PDE1A: variants seen among roughly 807,000 people sequenced by gnomAD.
PDE1A encodes dual specificity calcium/calmodulin-dependent 3',5'-cyclic nucleotide phosphodiesterase 1A.
In PDE1A, 35 loss-of-function variants were observed where a neutral mutation model predicts 61.7. That is an observed-to-expected ratio of 0.57 (90% confidence interval 0.43 to 0.75). The LOEUF (loss-of-function observed/expected upper bound fraction) is 0.75, where lower values mean the gene tolerates loss of function less well. Ranked by LOEUF, PDE1A falls within the 30% of genes least tolerant of loss-of-function variation. PDE1A has a pLI of 0.00. For synonymous variants in PDE1A, 232 were observed against 213.2 expected (o/e 1.09, Z -0.77); for missense variants, 597 against 630.6 (o/e 0.95, Z 0.57).
intron 7 of PDE1A, among the ~76,000 whole-genome samples, chr2:182,211,063 C>T (rs757199631): frequency 2.0e-5 from 3 of 152,034 alleles, no homozygotes; most frequent in Non-Finnish European, 1.5e-5. Flanking sequence ...TCTGGCAAGC[C>T]CCATTTTATA....
chr2:182,181,578 G>A (rs1265401788), intron 13 of PDE1A, among the ~76,000 whole-genome samples: 1 of 152,304 alleles, frequency 6.6e-6, no homozygotes, highest in South Asian at 2.1e-4. Flanking sequence ...AGCAGAACTG[G>A]TGCACTCTGC....
At chr2:182,580,649 T>C in the PDE1A span, among the ~76,000 whole-genome samples, 1 of 152,164 alleles carries the variant, frequency 6.6e-6, no homozygotes, top group Non-Finnish European at 1.5e-5. Flanking sequence ...GAAGACTGGC[T>C]TTCAGTCAAT....
At chr2:182,273,756 G>C (rs1345351378) in intron 1 of PDE1A, among the ~76,000 whole-genome samples, 1 of 152,030 alleles carries the variant, frequency 6.6e-6, no homozygotes, top group African/African-American at 2.4e-5. Context: ...AAGGTTGGTT[G>C]GGCAAAGAAC....
intron 13 of PDE1A, among the ~76,000 whole-genome samples, chr2:182,183,808 G>T (rs1684966337): frequency 6.6e-6 from 1 of 151,684 alleles, no homozygotes; most frequent in Non-Finnish European, 1.5e-5. Flanking sequence ...CAGAGAAATA[G>T]ACATTATAAA....
chr2:182,671,210 C>T, the PDE1A span, among the ~76,000 whole-genome samples: 7 of 151,920 alleles, frequency 4.6e-5, no homozygotes, highest in African/African-American at 1.7e-4. Flanking sequence ...CTCGCTCTGT[C>T]GCCCAGGCTG....
chr2:182,681,138 ACTGGGGC>A, the PDE1A span, among the ~76,000 whole-genome samples: 1 of 148,806 alleles, frequency 6.7e-6, no homozygotes, highest in Non-Finnish European at 1.5e-5. Flanking sequence ...CTCCTACTTC[ACTGGGGC>A]CTGTTTTTTT....
chr2:182,476,909 A>AAAT (rs71008223), intron 2 of PDE1A, among the ~76,000 whole-genome samples: 3 of 150,794 alleles, frequency 2.0e-5, no homozygotes, highest in Non-Finnish European at 4.4e-5. Context: ...AAAAAAAAAA[A>AAAT]CTCTGAGCTT....
intron 1 of PDE1A, among the ~76,000 whole-genome samples, chr2:182,407,830 T>C (rs1220138700): frequency 6.6e-6 from 1 of 152,196 alleles, no homozygotes; most frequent in Admixed American, 6.5e-5. Context: ...CCCTGAAAGT[T>C]TCTCCCATGA....
At chr2:182,237,357 G>T (rs191341056) in intron 3 of PDE1A, among the ~76,000 whole-genome samples, 1 of 152,060 alleles carries the variant, frequency 6.6e-6, no homozygotes, top group Non-Finnish European at 1.5e-5. Context: ...TTAGCCGTGC[G>T]TGGTGGCATG....
chr2:182,155,679 C>T (rs1691040119), intron 13 of PDE1A, among the ~76,000 whole-genome samples: 1 of 152,056 alleles, frequency 6.6e-6, no homozygotes. Flanking sequence ...CACCTGAGGC[C>T]GGGAGTTTGA....
Position 182,291,093 on chromosome 2 carries a change from T to C in PDE1A, c.54-26679A>G, listed in dbSNP as rs538436649. On this transcript the variant is annotated intron_variant, in intron 1 of 13. Transcript: ENST00000351439. ...CCTCTTCTTTCCTGCAGCCACAATGTTAGCTCTGATCCTGACCATCTCTTG... is the reference window on the plus strand; with the variant it reads ...CCTCTTCTTTCCTGCAGCCACAATGCTAGCTCTGATCCTGACCATCTCTTG... 1.8e-3 allele frequency among the ~76,000 whole-genome samples: 270 copies of C among 152,202 alleles called. 1 individual carries two copies. The highest frequency in any genetic ancestry group is 6.4e-3 in the African/African-American group (264 of 41,554).
intron 10 of PDE1A, among the ~76,000 whole-genome samples, chr2:182,198,859 G>A (rs908949305): frequency 2.6e-5 from 4 of 151,828 alleles, no homozygotes; most frequent in African/African-American, 9.7e-5. Context: ...TGTCATAAAA[G>A]AATTTGTGTA....
At chr2:182,614,000 G>T in the PDE1A span, among the ~76,000 whole-genome samples, 1 of 152,216 alleles carries the variant, frequency 6.6e-6, no homozygotes, top group Admixed American at 6.5e-5. Context: ...CACAAAATTG[G>T]GGTGGAGGTA....
intron 1 of PDE1A, among the ~76,000 whole-genome samples, chr2:182,280,117 G>C (rs190713780): frequency 6.6e-6 from 1 of 151,676 alleles, no homozygotes; most frequent in African/African-American, 2.4e-5. Context: ...AGTGTATGAA[G>C]ATTACATTTC....
the PDE1A span, among the ~76,000 whole-genome samples, chr2:182,671,110 C>A: frequency 2.0e-5 from 3 of 152,046 alleles, no homozygotes; most frequent in East Asian, 5.9e-4. Flanking sequence ...CCAGCCACTG[C>A]GCCCAGCCAT....
Position 182,445,315 on chromosome 2 carries a change from T to C in PDE1A, c.101+76961A>G, listed in dbSNP as rs931518959. On this transcript the variant is annotated intron_variant, in intron 2 of 14. Coordinates refer to the PDE1A transcript ENST00000410103. ...AAGCCTAAAGTCAGCTTTTTATTGATAGAAAAACAACAGTAAAACAAATCA... is the reference window on the plus strand; with the variant it reads ...AAGCCTAAAGTCAGCTTTTTATTGACAGAAAAACAACAGTAAAACAAATCA... Among the ~76,000 whole-genome samples the C allele has an allele frequency of 3.3e-5, 5 of 152,252 alleles. No individual in the cohort carries two copies. In the South Asian group the frequency reaches 6.2e-4, roughly 19 times the overall value.
At chr2:182,708,782 G>C in the PDE1A span, among the ~76,000 whole-genome samples, 1 of 152,156 alleles carries the variant, frequency 6.6e-6, no homozygotes, top group African/African-American at 2.4e-5. Context: ...CTTACTAACA[G>C]TGTGACATTG....
chr2:182,304,726 C>A (rs1219855585), intron 1 of PDE1A, among the ~76,000 whole-genome samples: 2 of 152,134 alleles, frequency 1.3e-5, no homozygotes, highest in African/African-American at 2.4e-5. Flanking sequence ...AGAACACACA[C>A]AACATTTATC....
chr2:182,610,501 T>G, the PDE1A span, among the ~76,000 whole-genome samples: 1 of 152,086 alleles, frequency 6.6e-6, no homozygotes, highest in Non-Finnish European at 1.5e-5. Flanking sequence ...GCTGAAACCT[T>G]TCTCAAAAAT....
Sources: allele counts gnomAD v4.1 joint callset (sites outside exome capture counted in the v4.1 genomes callset), GRCh38; gene constraint gnomAD v4.1.1; transcripts MANE v1.5; gene names NCBI Gene and HGNC (gene_info 2026-07-23, HGNC 2026-07-21).